Variants in WDR47 observed in about 807,000 individuals in gnomAD.
The protein encoded by WDR47 is WD repeat domain 47, also known as WD repeat-containing protein 47.
In WDR47, 32 loss-of-function variants were observed where a neutral mutation model predicts 97.2. The observed-to-expected ratio is 0.33, with a 90% CI of 0.25 to 0.44. The LOEUF (loss-of-function observed/expected upper bound fraction) is 0.44. WDR47 is among the 20% of genes least tolerant of loss of function. WDR47 has a pLI of 1.00. For synonymous variants in WDR47, 375 were observed against 373.5 expected (o/e 1.00, Z -0.05); for missense variants, 782 against 1,102.3 (o/e 0.71, Z 4.11).
Position 108,986,639 on chromosome 1 carries a change from T to C in WDR47, c.1809A>G (p.Leu603=). The change falls in exon 10 of 15, where the codon CTA becomes CTG. Residue 603 remains leucine, a synonymous_variant. Coordinates refer to ENST00000369962, the MANE Select transcript of WDR47 (RefSeq NM_001142551.2). ...CTGCTCTAACAGCTTGTGTGTCTTC[T>C]AGGATATTAATACAAACAAACTGCT... The part of the protein sequence containing the change: ...SKKQFVCINI[L]EDTQAVRAVA... The C allele has an allele frequency of 6.2e-7, 1 of 1,613,448 alleles. No homozygotes were observed. Among genetic ancestry groups the C allele is most frequent in the Non-Finnish European group, 8.5e-7 (1 of 1,179,596 alleles).
intron 5 of WDR47, among the ~76,000 whole-genome samples, chr1:109,009,212 GAAATA>G (rs1276065101): frequency 6.6e-6 from 1 of 152,172 alleles, no homozygotes; most frequent in Admixed American, 6.5e-5. Flanking sequence ...TCTCTTTCAT[GAAATA>G]AATTTATTGA....
chr1:109,033,216 C>T (rs943638263), intron 1 of WDR47, among the ~76,000 whole-genome samples: 2 of 151,968 alleles, frequency 1.3e-5, no homozygotes, highest in Non-Finnish European at 2.9e-5. Flanking sequence ...ATCACTTGAA[C>T]CCAGGGGGGC....
chr1:109,022,659 A>T (rs938492210), intron 2 of WDR47, among the ~76,000 whole-genome samples: 10 of 152,060 alleles, frequency 6.6e-5, no homozygotes, highest in African/African-American at 2.4e-4. Context: ...ATCTCAGCTC[A>T]CTGGAACCTC....
Position 109,018,165 on chromosome 1 carries a change from C to T in WDR47, c.159-564G>A, listed in dbSNP as rs893263886. Among the ~76,000 whole-genome samples, 3 of 152,034 alleles carry T rather than the reference C, an allele frequency of 2.0e-5. No individual in the cohort carries two copies. In the East Asian group the frequency reaches 5.8e-4, roughly 29 times the overall value. ...TTTTGACCTATGTAAAAACATTGGA[C>T]ATGCCAGGCGTGGTGGCTCACACCT... is the stretch of plus-strand genomic sequence containing the variant. On this transcript the variant is annotated intron_variant, in intron 2 of 14. Transcript: ENST00000369962.
intron 3 of WDR47, among the ~76,000 whole-genome samples, chr1:109,015,770 G>A (rs545568764): frequency 5.3e-5 from 8 of 151,222 alleles, no homozygotes; most frequent in Admixed American, 3.9e-4. Context: ...GGTGGATCAC[G>A]AGGTCAGGAG....
intron 5 of WDR47, among the ~76,000 whole-genome samples, chr1:109,007,619 A>C (rs930344781): frequency 2.0e-5 from 3 of 152,220 alleles, no homozygotes; most frequent in Non-Finnish European, 2.9e-5. Context: ...GAGCTCTGAA[A>C]GGAAGAAATT....
intron 1 of WDR47, among the ~76,000 whole-genome samples, chr1:109,029,352 G>A (rs1000031754): frequency 6.6e-6 from 1 of 151,742 alleles, no homozygotes; most frequent in Non-Finnish European, 1.5e-5. Flanking sequence ...CTGAAACCCC[G>A]TCTCTACTAA....
chr1:109,013,788 C>T, intron 4 of WDR47, 53 bp downstream of exon 4: 1 of 1,582,238 alleles, frequency 6.3e-7, no homozygotes, highest in Middle Eastern at 1.7e-4. Context: ...GACTAAAATA[C>T]TTATGACTGA....
chr1:109,016,824 G>A (rs1019892684), intron 3 of WDR47, among the ~76,000 whole-genome samples: 4 of 150,908 alleles, frequency 2.7e-5, no homozygotes, highest in African/African-American at 4.9e-5. Context: ...CCAGTTAGGA[G>A]AAAAGGCAAT....
intron 3 of WDR47, among the ~76,000 whole-genome samples, chr1:109,016,060 C>T (rs565789775): frequency 4.6e-4 from 70 of 151,538 alleles, no homozygotes; most frequent in African/African-American, 1.6e-3. Flanking sequence ...GGGCACTCCC[C>T]AGTTCACACA....
At chr1:109,004,477 T>C (rs1323550714) in intron 6 of WDR47, 115 bp downstream of exon 6, 1 of 1,225,414 alleles carries the variant, frequency 8.2e-7, no homozygotes, top group Non-Finnish European at 1.1e-6. Flanking sequence ...AGAAAATCTA[T>C]GTATATTATT....
intron 1 of WDR47, among the ~76,000 whole-genome samples, chr1:109,036,241 G>C (rs184549019): frequency 6.6e-6 from 1 of 151,798 alleles, no homozygotes; most frequent in African/African-American, 2.4e-5. Context: ...TCCCACTCCC[G>C]TCATCCTCCT....
intron 9 of WDR47, 141 bp from the exon 10 acceptor site, chr1:108,986,821 T>C: frequency 1.5e-6 from 1 of 688,696 alleles, no homozygotes; most frequent in East Asian, 2.9e-5. Flanking sequence ...ATATATTCTT[T>C]TCTCTATGTT....
Position 109,023,449 on chromosome 1 carries a change from G to A in WDR47, c.64C>T (p.Leu22=), listed in dbSNP as rs753864043. The A allele has an allele frequency of 7.5e-5, 121 of 1,613,486 alleles. No homozygotes were observed. Among genetic ancestry groups the A allele is most frequent in the Non-Finnish European group, 9.6e-5 (113 of 1,179,772 alleles). Residue 22 remains leucine, a synonymous_variant, in exon 2 of 15, where the codon CTG becomes TTG. Coordinates refer to ENST00000369962, the MANE Select transcript of WDR47 (RefSeq NM_001142551.2). Reference sequence around the variant, plus strand: ...CTAATGTGAAGCTTCTTTGAATTCAGGAAGTCCAAAATTAGCTTAATGATT... The same window carrying A: ...CTAATGTGAAGCTTCTTTGAATTCAAGAAGTCCAAAATTAGCTTAATGATT... ...VEIIKLILDF[L]NSKKLHISML...
chr1:109,041,513 C>G (rs1557974037), intron 1 of WDR47: 1 of 152,348 alleles, frequency 6.6e-6, no homozygotes, highest in Non-Finnish European at 1.5e-5. Context: ...GCGAGATGGG[C>G]ACGAACCTCG....
chr1:108,995,155 C>T (rs1031473194), intron 8 of WDR47, among the ~76,000 whole-genome samples: 1 of 152,214 alleles, frequency 6.6e-6, no homozygotes, highest in Non-Finnish European at 1.5e-5. Context: ...TCTTCCACTG[C>T]TGTAATTGCC....
At chr1:109,029,142 C>G in intron 1 of WDR47, among the ~76,000 whole-genome samples, 1 of 152,128 alleles carries the variant, frequency 6.6e-6, no homozygotes, top group South Asian at 2.1e-4. Flanking sequence ...TGATTACCAT[C>G]TTAGTAAACC....
At chr1:109,028,170 C>A (rs1026099326) in intron 1 of WDR47, among the ~76,000 whole-genome samples, 2 of 151,980 alleles carry the variant, frequency 1.3e-5, no homozygotes, top group African/African-American at 2.4e-5. Context: ...AAGTACAGAA[C>A]AGATGACTAT....
chr1:109,036,736 C>G (rs569492913), intron 1 of WDR47, among the ~76,000 whole-genome samples: 1 of 149,028 alleles, frequency 6.7e-6, no homozygotes, highest in Non-Finnish European at 1.5e-5. Context: ...CTCAGGAGGC[C>G]GAGGCAGGAG....
Sources: allele counts gnomAD v4.1 joint callset (sites outside exome capture counted in the v4.1 genomes callset), GRCh38; gene constraint gnomAD v4.1.1; transcripts MANE v1.5; gene names NCBI Gene and HGNC (gene_info 2026-07-23, HGNC 2026-07-21).